SLC14A2: variants seen among roughly 807,000 people sequenced by gnomAD.
SLC14A2 encodes the protein urea transporter 2.
In SLC14A2, 91 loss-of-function variants were observed where a neutral mutation model predicts 104.6. That is an observed-to-expected ratio of 0.87 (90% confidence interval 0.73 to 1.04). The LOEUF (loss-of-function observed/expected upper bound fraction) is 1.04. Among genes scored for constraint, SLC14A2 ranks in the 50% least tolerant of loss-of-function variants. SLC14A2 has a pLI of 0.00. For missense variants in SLC14A2, 1,189 were observed against 1,156.0 expected, an observed-to-expected ratio of 1.03 and a Z score of -0.41; for synonymous variants, 476 against 466.4, an observed-to-expected ratio of 1.02 and a Z score of -0.27.
chr18:45,286,394 G>T (rs2084814831), intron 1 of SLC14A2, among the ~76,000 whole-genome samples: 1 of 152,132 alleles, frequency 6.6e-6, no homozygotes, highest in African/African-American at 2.4e-5. Flanking sequence ...CATGCCCAAA[G>T]CTCTCATTTT....
At chr18:45,332,976 A>T (rs2085304121) in intron 1 of SLC14A2, among the ~76,000 whole-genome samples, 1 of 152,204 alleles carries the variant, frequency 6.6e-6, no homozygotes, top group South Asian at 2.1e-4. Context: ...TCTTTCCTGA[A>T]GAATTCATAA....
chr18:45,513,133 A>G (rs958856037), intron 2 of SLC14A2, among the ~76,000 whole-genome samples: 1 of 152,180 alleles, frequency 6.6e-6, no homozygotes, highest in African/African-American at 2.4e-5. Context: ...CTTGAAGGTC[A>G]TCAGGGCCAG....
the SLC14A2 span, among the ~76,000 whole-genome samples, chr18:45,202,667 G>T: frequency 2.0e-5 from 3 of 152,094 alleles, no homozygotes; most frequent in African/African-American, 7.2e-5. Context: ...CTACAGCCTG[G>T]TTCTCTCTCA....
In SLC14A2 at chr18:45,416,374, G is replaced by A. The variant is rs375466695; in HGVS notation, c.-124-66859G>A. On this transcript the variant is annotated intron_variant, in intron 1 of 20. Transcript: ENST00000586448. The stretch of plus-strand genomic sequence containing the variant: ...CACCAAATAACCTTGTCATGTGAGC[G>A]TTTATCACAGGAACATCAAGGACTG... Among the ~76,000 whole-genome samples, 12 of 151,760 alleles carry A rather than the reference G, an allele frequency of 7.9e-5. No homozygotes were observed. The East Asian group carries it at 9.7e-4, about 12-fold the overall frequency.
At position 45,682,516 on chromosome 18, in the gene SLC14A2, C is replaced by T. The variant is rs755076303; in HGVS notation, c.2760C>T (p.Ser920=). The change falls in exon 20 of 20, where the codon TCC becomes TCT. Residue 920 remains serine (S), a synonymous_variant. Coordinates refer to ENST00000255226, the MANE Select transcript of SLC14A2 (RefSeq NM_007163.4). ...CAAAGTATCAGGCCTACGATGTCTC[C>T]TAAGTTTCCCTGTCTAAAACACATC... ...IITKYQAYDV[S] is the part of the protein sequence containing the mutation. 2 of 1,613,308 alleles carry T rather than the reference C, an allele frequency of 1.2e-6. No individual in the cohort carries two copies. Among genetic ancestry groups the T allele is most frequent in the South Asian group, 2.2e-5 (2 of 91,060 alleles).
chr18:45,356,146 G>A (rs779165382), intron 1 of SLC14A2, among the ~76,000 whole-genome samples: 11 of 152,104 alleles, frequency 7.2e-5, no homozygotes, highest in Non-Finnish European at 1.2e-4. Context: ...TCAGTGTAGT[G>A]TGACCTCTGG....
chr18:45,370,423 T>G (rs1188677738), intron 1 of SLC14A2, among the ~76,000 whole-genome samples: 1 of 152,152 alleles, frequency 6.6e-6, no homozygotes, highest in Admixed American at 6.5e-5. Context: ...TGTTTTTCCC[T>G]TAACAGATGC....
chr18:45,484,145 T>C (rs1009897669), intron 2 of SLC14A2, among the ~76,000 whole-genome samples: 19 of 152,222 alleles, frequency 1.2e-4, no homozygotes, highest in African/African-American at 4.3e-4. Context: ...TGTCTGTGTT[T>C]TCTCCATCTT....
chr18:45,344,744 G>C (rs2085430867), intron 1 of SLC14A2, among the ~76,000 whole-genome samples: 1 of 152,170 alleles, frequency 6.6e-6, no homozygotes, highest in South Asian at 2.1e-4. Flanking sequence ...CTAGTAATAG[G>C]AAAGTGGTGT....
chr18:45,237,956 T>C (rs1381836928), intron 1 of SLC14A2, among the ~76,000 whole-genome samples: 2 of 152,204 alleles, frequency 1.3e-5, no homozygotes, highest in Non-Finnish European at 2.9e-5. Context: ...CTTGATGAAA[T>C]AGCTTCATGC....
In SLC14A2 at chr18:45,594,804, G is replaced by C. The variant is rs564576004; in HGVS notation, c.-34-29827G>C. Among the ~76,000 whole-genome samples, 4 of 152,290 alleles carry C rather than the reference G, an allele frequency of 2.6e-5. No individual in the cohort carries two copies. In the South Asian group the frequency reaches 8.3e-4, roughly 32 times the overall value. ...CTAGAGCCTAAGTCTTGTTACCAAA[G>C]TGAGATTCTCCCACACAGATTTCAT... is the stretch of plus-strand genomic sequence containing the variant. On this transcript the variant is annotated intron_variant, in intron 2 of 20. Coordinates refer to the SLC14A2 transcript ENST00000586448.
intron 1 of SLC14A2, among the ~76,000 whole-genome samples, chr18:45,384,130 T>C (rs1489765259): frequency 6.6e-6 from 1 of 152,144 alleles, no homozygotes; most frequent in Non-Finnish European, 1.5e-5. Flanking sequence ...AAATGGCATA[T>C]GTGTGAAAAT....
At chr18:45,310,887 A>G (rs2085071754) in intron 1 of SLC14A2, among the ~76,000 whole-genome samples, 1 of 152,172 alleles carries the variant, frequency 6.6e-6, no homozygotes, top group Admixed American at 6.5e-5. Flanking sequence ...GAGAGGGTTT[A>G]TAGACAAATA....
At chr18:45,180,842 G>A in the SLC14A2 span, among the ~76,000 whole-genome samples, 1,201 of 152,218 alleles carry the variant, frequency 7.9e-3, 22 homozygotes, top group African/African-American at 0.028. Context: ...AATATATTTT[G>A]CATAGCAAAA....
chr18:45,545,592 T>C (rs1377087123), intron 2 of SLC14A2, among the ~76,000 whole-genome samples: 1 of 152,206 alleles, frequency 6.6e-6, no homozygotes, highest in Non-Finnish European at 1.5e-5. Flanking sequence ...AAACACGCCA[T>C]GATATTCAGT....
At chr18:45,452,098 T>G (rs1242170083) in intron 1 of SLC14A2, among the ~76,000 whole-genome samples, 1 of 152,162 alleles carries the variant, frequency 6.6e-6, no homozygotes, top group Non-Finnish European at 1.5e-5. Context: ...ACATGTCCCT[T>G]TGACAGAGGA....
chr18:45,368,255 A>G (rs578081200), intron 1 of SLC14A2, among the ~76,000 whole-genome samples: 1 of 152,282 alleles, frequency 6.6e-6, no homozygotes, highest in African/African-American at 2.4e-5. Flanking sequence ...TTTCCTTTGA[A>G]TGTATAATTT....
chr18:45,518,639 C>T (rs1197076420), intron 2 of SLC14A2, among the ~76,000 whole-genome samples: 5 of 143,032 alleles, frequency 3.5e-5, no homozygotes, highest in Non-Finnish European at 3.1e-5. Context: ...GTGGCTCAAA[C>T]TGCTGGTGTC....
At chr18:45,225,324 G>T (rs1014279897) in intron 1 of SLC14A2, among the ~76,000 whole-genome samples, 5 of 152,182 alleles carry the variant, frequency 3.3e-5, no homozygotes, top group African/African-American at 1.2e-4. Context: ...TTATTTCTGA[G>T]GGCTCTGTTC....
Sources: gnomAD v4.1 joint callset for allele counts (sites outside exome capture counted in the v4.1 genomes callset) on GRCh38, gnomAD v4.1.1 for gene constraint, MANE v1.5 for transcripts, NCBI Gene and HGNC (gene_info 2026-07-23, HGNC 2026-07-21) for gene names.